Variants in CD6 observed in about 807,000 individuals in gnomAD.
The protein encoded by CD6 is T-cell differentiation antigen CD6.
CD6 carries 53 observed loss-of-function variants against 75.3 expected under a neutral mutation model. The ratio of observed to expected loss-of-function variants is 0.70; its 90% CI spans 0.56 to 0.88. The LOEUF is 0.88. Ranked by LOEUF, CD6 falls within the 40% of genes least tolerant of loss-of-function variation. CD6 has a pLI of 0.00. For missense variants in CD6, 770 were observed against 897.1 expected (o/e 0.86, Z 1.81); for synonymous variants, 359 against 381.5 (o/e 0.94, Z 0.69).
intron 1 of CD6, among the ~76,000 whole-genome samples, chr11:60,984,848 T>C (rs1421813113): frequency 3.3e-5 from 5 of 152,098 alleles, no homozygotes; most frequent in African/African-American, 1.2e-4. Flanking sequence ...AGGAATGAGA[T>C]TGATTTCAGA....
At chr11:61,006,951 A>T (rs983805384) in intron 2 of CD6, among the ~76,000 whole-genome samples, 10 of 152,040 alleles carry the variant, frequency 6.6e-5, no homozygotes, top group Admixed American at 6.6e-4. Context: ...TACTCAGCAG[A>T]CGTTTATTAA....
intron 1 of CD6, among the ~76,000 whole-genome samples, chr11:60,983,641 T>C (rs902272196): frequency 2.6e-5 from 4 of 152,066 alleles, no homozygotes; most frequent in African/African-American, 9.7e-5. Context: ...TTGTTTTTTT[T>C]TTTTACATAC....
intron 1 of CD6, among the ~76,000 whole-genome samples, chr11:61,006,205 T>C (rs1399305286): frequency 6.6e-6 from 1 of 152,220 alleles, no homozygotes; most frequent in Non-Finnish European, 1.5e-5. Context: ...AGTCTCACAA[T>C]ATTTTCCTAA....
intron 1 of CD6, among the ~76,000 whole-genome samples, chr11:60,997,468 CAG>C (rs1277525404): frequency 1.3e-5 from 2 of 149,152 alleles, no homozygotes; most frequent in African/African-American, 4.9e-5. Context: ...TAAAAAGAAA[CAG>C]ATGAAATTTC....
rs1565163374 is a variant in CD6 at position 61,017,922 on chromosome 11, A to G, written c.1746A>G (p.Pro582=). 6.2e-7 allele frequency: 1 copy of G among 1,614,032 alleles called. No individual in the cohort carries two copies. The highest frequency in any genetic ancestry group is 1.1e-5 in the South Asian group (1 of 91,090). ...ATAGTCCCAAAAGCAAGCTGCCTCC[A>G]TGGAACCCCCAGGTGTTTTCTTCAG... ...YCNSPKSKLP[P]WNPQVFSSER... The change falls in exon 11 of 13, where the codon CCA becomes CCG. Residue 582 remains proline (P), a synonymous_variant. Coordinates refer to ENST00000313421, the MANE Select transcript of CD6 (RefSeq NM_006725.5).
Position 61,019,959 on chromosome 11 carries a change from G to A in CD6, c.*641G>A, listed in dbSNP as rs997093628. 127 of 395,650 alleles carry A rather than the reference G, an allele frequency of 3.2e-4. No individual in the cohort carries two copies. The highest frequency in any genetic ancestry group is 2.0e-3 in the African/African-American group (99 of 48,706). The allele number at this position is 395,650 out of a possible 1,614,324, so 24.5% of individuals were successfully genotyped here. On this transcript the variant is annotated 3_prime_UTR_variant, in exon 13 of 13. Transcript: ENST00000313421. ...TTGACTGTGTACCCCCAACCAAGGAGCTGGGGCCCAAGGCCAGTCCTGCCC... is the reference window on the plus strand; with the variant it reads ...TTGACTGTGTACCCCCAACCAAGGAACTGGGGCCCAAGGCCAGTCCTGCCC...
In CD6 at chr11:60,971,749, C is replaced by T; in HGVS notation, c.-117C>T. On this transcript the variant is annotated 5_prime_UTR_variant, in exon 1 of 13. Coordinates refer to ENST00000313421, the MANE Select transcript of CD6 (RefSeq NM_006725.5). ...GCAGAGAGAGACACAGGAACAAGAA[C>T]AGCAAAGGGTAGAGCAGACCTGCGC... 1.0e-6 allele frequency: 1 copy of T among 960,556 alleles called. No individual in the cohort carries two copies. Among genetic ancestry groups the T allele is most frequent in the South Asian group, 1.4e-5 (1 of 71,562 alleles). The allele number at this position is 960,556 out of a possible 1,614,324, so 59.5% of individuals were successfully genotyped here.
intron 4 of CD6, 71 bp downstream of exon 4, chr11:61,008,916 G>A: frequency 7.5e-7 from 1 of 1,336,132 alleles, no homozygotes; most frequent in Non-Finnish European, 9.9e-7. Context: ...CGCCAAGCCT[G>A]GAGTTAGTGC....
intron 1 of CD6, among the ~76,000 whole-genome samples, chr11:61,003,575 A>G (rs1481526113): frequency 6.6e-6 from 1 of 152,116 alleles, no homozygotes; most frequent in African/African-American, 2.4e-5. Flanking sequence ...TCTACAAAAA[A>G]TATACAAAAA....
At chr11:60,973,838 G>A (rs1857274890) in intron 1 of CD6, among the ~76,000 whole-genome samples, 3 of 152,204 alleles carry the variant, frequency 2.0e-5, no homozygotes. Context: ...AGGGGTGTAT[G>A]TCCTACTGCT....
chr11:60,982,764 A>G (rs904246515), intron 1 of CD6: 11 of 455,884 alleles, frequency 2.4e-5, no homozygotes, highest in Non-Finnish European at 4.9e-5. Context: ...CAGAGGAGGA[A>G]AGCGAGGTGC....
In CD6 at chr11:61,013,490, C is replaced by A; in HGVS notation, c.1218C>A (p.Ile406=). Reference sequence around the variant, plus strand: ...AGCTAATGCTCCTCATCCCCTCCATCGTTCTGGGAATTCTCCTCCTTGGCT... The same window carrying A: ...AGCTAATGCTCCTCATCCCCTCCATAGTTCTGGGAATTCTCCTCCTTGGCT... ...SRELMLLIPS[I]VLGILLLGSL... is the part of the protein sequence containing the mutation. Residue 406 remains isoleucine (I), a synonymous_variant, in exon 7 of 13, where the codon ATC becomes ATA. Coordinates refer to ENST00000313421, the MANE Select transcript of CD6 (RefSeq NM_006725.5). 6.2e-7 allele frequency: 1 copy of A among 1,613,932 alleles called. No individual in the cohort carries two copies. The highest frequency in any genetic ancestry group is 8.5e-7 in the Non-Finnish European group (1 of 1,179,788).
intron 9 of CD6, among the ~76,000 whole-genome samples, chr11:61,016,323 G>A (rs952951659): frequency 6.6e-6 from 1 of 152,192 alleles, no homozygotes; most frequent in African/African-American, 2.4e-5. Flanking sequence ...ATAGGAAGAG[G>A]AAAGATAACG....
At chr11:61,004,053 C>G (rs1858725438) in intron 1 of CD6, among the ~76,000 whole-genome samples, 1 of 152,238 alleles carries the variant, frequency 6.6e-6, no homozygotes, top group Non-Finnish European at 1.5e-5. Flanking sequence ...GCCATGGGCC[C>G]TGCCCTCTAG....
At chr11:60,972,025 C>T in intron 1 of CD6, 111 bp downstream of exon 1, 1 of 1,109,518 alleles carries the variant, frequency 9.0e-7, no homozygotes. Flanking sequence ...GATCTTTTAG[C>T]CAAGACTACA....
Position 61,009,810 on chromosome 11 carries a change from C to A in CD6, c.1020C>A (p.Cys340Ter). The A allele has an allele frequency of 1.2e-6, 2 of 1,600,750 alleles. No homozygotes were observed. The highest frequency in any genetic ancestry group is 1.7e-5 in the Admixed American group (1 of 59,090). ...CNGEELTLSN[C>*]SWRFNNSNLC... is the part of the protein sequence containing the mutation. ...GGGAGGAGCTCACCCTCTCCAACTGCTCCTGGCGGTTCAACAACTCCAACC... is the reference window on the plus strand; with the variant it reads ...GGGAGGAGCTCACCCTCTCCAACTGATCCTGGCGGTTCAACAACTCCAACC... Residue 340 changes from cysteine (C) to a stop codon, truncating the protein, a stop_gained, in exon 5 of 13, where the codon TGC becomes TGA. Transcript: ENST00000313421. LOFTEE classifies it high-confidence loss of function.
At chr11:60,998,775 C>T (rs1030387213) in intron 1 of CD6, among the ~76,000 whole-genome samples, 3 of 151,080 alleles carry the variant, frequency 2.0e-5, no homozygotes, top group African/African-American at 4.9e-5. Context: ...GAAAAAAGCC[C>T]TGTGTATTTA....
intron 3 of CD6, 147 bp from the exon 4 acceptor site, chr11:61,008,387 G>T (rs1451007152): frequency 3.9e-6 from 3 of 763,208 alleles, no homozygotes; most frequent in Non-Finnish European, 6.2e-6. Flanking sequence ...CTGCAGTCCT[G>T]GGGGGATTCC....
intron 9 of CD6, 31 bp downstream of exon 9, chr11:61,015,866 A>C (rs1859378868): frequency 6.2e-7 from 1 of 1,611,734 alleles, no homozygotes; most frequent in South Asian, 1.1e-5. Flanking sequence ...CCGAGGGCCC[A>C]CCTACCTGAA....
Sources: allele counts gnomAD v4.1 joint callset (sites outside exome capture counted in the v4.1 genomes callset), GRCh38; gene constraint gnomAD v4.1.1; transcripts MANE v1.5; gene names NCBI Gene and HGNC (gene_info 2026-07-23, HGNC 2026-07-21).